Variants in ZFHX3 observed in about 807,000 individuals in gnomAD.
ZFHX3 encodes the protein zinc finger homeobox 3, also known as zinc finger homeobox protein 3.
Under a neutral mutation model 279.1 loss-of-function variants are expected in ZFHX3, and 42 were observed. The observed-to-expected ratio is 0.15, with a 90% CI of 0.12 to 0.19. ZFHX3 has a LOEUF of 0.19. Ranked by LOEUF, ZFHX3 falls within the 10% of genes least tolerant of loss-of-function variation. The pLI is 1.00. For missense variants in ZFHX3, 4,981 were observed against 4,754.0 expected (o/e 1.05, Z -1.40); for synonymous variants, 2,293 against 1,957.8 (o/e 1.17, Z -4.52).
rs756019082 is a variant in ZFHX3 at position 72,950,960 on chromosome 16, C to T, written c.2725G>A (p.Gly909Ser). The change falls in exon 3 of 10, where the codon GGT becomes AGT. Residue 909 changes from glycine (G) to serine (S), a missense_variant. Transcript: ENST00000268489. ...AGCCGCATGTCTAGGGGGATCTCAC[C>T]GCCCACTGCAGGGAAGGAGAGAAGG... ...MAAMTPALVG[G>S]EIPLDMRLGG... 90 of 1,611,108 alleles carry T rather than the reference C, an allele frequency of 5.6e-5. No homozygotes were observed. The highest frequency in any genetic ancestry group is 7.2e-5 in the Non-Finnish European group (85 of 1,177,860).
At chr16:73,136,494 C>CAG (rs1966796108) in intron 6 of ZFHX3, among the ~76,000 whole-genome samples, 1 of 152,036 alleles carries the variant, frequency 6.6e-6, no homozygotes, top group Non-Finnish European at 1.5e-5. Flanking sequence ...GAGGCCAAAG[C>CAG]AGACAGATCA....
intron 1 of ZFHX3, among the ~76,000 whole-genome samples, chr16:73,834,086 G>C (rs1961073280): frequency 6.6e-6 from 1 of 152,104 alleles, no homozygotes; most frequent in African/African-American, 2.4e-5. Context: ...AGTCACTCAA[G>C]TTTCTCTGAA....
chr16:73,240,227 CT>C (rs57832372), intron 5 of ZFHX3, among the ~76,000 whole-genome samples: 10,662 of 145,926 alleles, frequency 0.073, 1,221 homozygotes, highest in African/African-American at 0.24. Flanking sequence ...ATTTTCTTTT[CT>C]TTTTTTTTTT....
rs550466378 is a variant in ZFHX3, at chr16:73,557,462, C to T, written c.-1546-101204G>A. On this transcript the variant is annotated intron_variant, in intron 2 of 17. Coordinates refer to the ZFHX3 transcript ENST00000641206. The stretch of plus-strand genomic sequence containing the variant: ...TAAAGGAATGAAAGAATGGCTGCTC[C>T]GTAGACAGAGCAGCCTGAGGGCTGC... Among the ~76,000 whole-genome samples, 30 of 152,198 alleles carry T rather than the reference C, an allele frequency of 2.0e-4. 1 individual carries two copies. The highest frequency in any genetic ancestry group is 3.4e-4 in the Non-Finnish European group (23 of 68,000).
chr16:72,788,346 G>GT lies in ZFHX3; in HGVS notation c.9929dup (p.Tyr3310Ter). The GT allele has an allele frequency of 6.2e-7, 1 of 1,614,210 alleles. No homozygotes were observed. The highest frequency in any genetic ancestry group is 8.5e-7 in the Non-Finnish European group (1 of 1,180,042). Reference sequence around the variant, plus strand: ...AATAAGGAGAAAAGCCTGGTACAAAGTAAGGAAGGAACTGGCTTGTGAGCA... The same window carrying GT: ...AATAAGGAGAAAAGCCTGGTACAAAGTTAAGGAAGGAACTGGCTTGTGAGCA... The part of the protein sequence containing the change: ...TALLTSQFLP[Y>*]FVPGFSPYYA... Residue 3310 changes from tyrosine to a stop codon, truncating the protein, a stop_gained and frameshift_variant, in exon 10 of 10, where the codon TAC becomes TAAC. Coordinates refer to ENST00000268489, the MANE Select transcript of ZFHX3 (RefSeq NM_006885.4). LOFTEE classifies it high-confidence loss of function.
chr16:73,689,665 G>A (rs896060641), intron 1 of ZFHX3, among the ~76,000 whole-genome samples: 1 of 152,168 alleles, frequency 6.6e-6, no homozygotes, highest in Non-Finnish European at 1.5e-5. Flanking sequence ...GGCCATATAG[G>A]CAGTTCTATG....
chr16:72,785,925 A>AAAAT lies in ZFHX3; in HGVS notation c.*1235_*1238dup, dbSNP rs1181680510. 1 of 152,220 alleles carries AAAAT rather than the reference A, an allele frequency of 6.6e-6. No individual in the cohort carries two copies. Among genetic ancestry groups the AAAAT allele is most frequent in the Non-Finnish European group, 1.5e-5 (1 of 68,032 alleles). The allele number at this position is 152,220 out of a possible 1,614,324, so 9.4% of individuals were successfully genotyped here. A position where few individuals can be genotyped will look rare whatever the true frequency, so the allele number is the denominator to read the frequency against. On this transcript the variant is annotated 3_prime_UTR_variant, in exon 10 of 10. Transcript: ENST00000268489. Reference sequence around the variant, plus strand: ...TTAAAAAGTTTCAACTCCCCAACCAAAAATAATCTGTGAGGATCCTAATGA... The same window carrying AAAAT: ...TTAAAAAGTTTCAACTCCCCAACCAAAAATAAATAATCTGTGAGGATCCTAATGA...
chr16:73,092,832 C>T (rs534933079), intron 8 of ZFHX3: 28 of 471,332 alleles, frequency 5.9e-5, no homozygotes, highest in African/African-American at 3.4e-4. Flanking sequence ...CCTGAACAGA[C>T]GGCTCATGCA....
chr16:72,905,542 C>G (rs2039146958), intron 3 of ZFHX3, among the ~76,000 whole-genome samples: 1 of 152,152 alleles, frequency 6.6e-6, no homozygotes, highest in African/African-American at 2.4e-5. Context: ...TCGAGACGAT[C>G]AAGACCACAG....
intron 1 of ZFHX3, among the ~76,000 whole-genome samples, chr16:73,844,102 C>T (rs895727465): frequency 2.3e-4 from 35 of 152,004 alleles, no homozygotes; most frequent in Non-Finnish European, 4.4e-4. Context: ...CAGTTCTAAG[C>T]GACTATACTT....
chr16:72,867,634 C>A (rs376036862), intron 4 of ZFHX3, among the ~76,000 whole-genome samples: 2 of 152,028 alleles, frequency 1.3e-5, no homozygotes, highest in Non-Finnish European at 2.9e-5. Flanking sequence ...TTGATTGGAT[C>A]ATCTATTTTT....
At chr16:72,891,386 T>G (rs1036623995) in intron 3 of ZFHX3, among the ~76,000 whole-genome samples, 9 of 152,116 alleles carry the variant, frequency 5.9e-5, no homozygotes, top group African/African-American at 2.2e-4. Context: ...ACCCCAGGCT[T>G]CTGTGGCTAG....
chr16:73,516,483 A>T (rs74028697), intron 2 of ZFHX3, among the ~76,000 whole-genome samples: 7,321 of 152,234 alleles, frequency 0.048, 618 homozygotes, highest in African/African-American at 0.17. Context: ...ATTGTGACAC[A>T]TGAGATGTGG....
At position 73,112,629 on chromosome 16, in the gene ZFHX3, T is replaced by G. The variant is rs573532930; in HGVS notation, c.-897+18339A>C. 2.0e-4 allele frequency among the ~76,000 whole-genome samples: 28 copies of G among 142,482 alleles called. No homozygotes were observed. The East Asian group carries it at 4.6e-3, about 23-fold the overall frequency. 93.5% of individuals were successfully genotyped at this position (142,482 alleles called of 152,430 possible). ...TCGGGAGGCTACTGAGGCAGGAGAA[T>G]CTCTTGAACCCGGGAGGTGGAGGTT... On this transcript the variant is annotated intron_variant, in intron 7 of 17. Transcript: ENST00000641206.
At chr16:73,325,910 CACACACACACACACACAA>C (rs2015673059) in intron 3 of ZFHX3, among the ~76,000 whole-genome samples, 2 of 109,802 alleles carry the variant, frequency 1.8e-5, no homozygotes, top group Admixed American at 8.3e-5. Flanking sequence ...CAAACACACA[CACACACACACACACACAA>C]ACACACACAC....
At chr16:73,587,736 A>G (rs545140096) in intron 2 of ZFHX3, among the ~76,000 whole-genome samples, 1 of 152,374 alleles carries the variant, frequency 6.6e-6, no homozygotes, top group South Asian at 2.1e-4. Context: ...AGTAATTTAT[A>G]GTTTAAAAAT....
chr16:73,087,652 C>CT (rs1966024394), intron 8 of ZFHX3, among the ~76,000 whole-genome samples: 1 of 152,084 alleles, frequency 6.6e-6, no homozygotes, highest in Non-Finnish European at 1.5e-5. Flanking sequence ...ATTTGTGCAT[C>CT]TTTTTTCATG....
intron 5 of ZFHX3, among the ~76,000 whole-genome samples, chr16:73,156,449 G>A (rs1337812173): frequency 6.6e-6 from 1 of 152,140 alleles, no homozygotes; most frequent in African/African-American, 2.4e-5. Flanking sequence ...TCAGAGAACT[G>A]CTACCATGGA....
At chr16:73,367,305 C>T (rs6564058) in intron 3 of ZFHX3, among the ~76,000 whole-genome samples, 41,495 of 152,096 alleles carry the variant, frequency 0.27, 5,843 homozygotes, top group African/African-American at 0.33. Flanking sequence ...GATGGCTCAC[C>T]GCCCAGAAGA....
Sources: gnomAD v4.1 joint callset for allele counts (sites outside exome capture counted in the v4.1 genomes callset) on GRCh38, gnomAD v4.1.1 for gene constraint, MANE v1.5 for transcripts, NCBI Gene and HGNC (gene_info 2026-07-23, HGNC 2026-07-21) for gene names.